The following C13orf42 variants were observed in gnomAD, a reference collection of about 807,000 sequenced individuals.
C13orf42 encodes the protein chromosome 13 open reading frame 42.
chr13:51,103,574 G>A (rs900096053), intron 1 of C13orf42, among the ~76,000 whole-genome samples: 14 of 152,088 alleles, frequency 9.2e-5, no homozygotes, highest in Admixed American at 2.6e-4. Context: ...GGTGGTGAGC[G>A]CCTGTAGTCC....
At chr13:51,154,657 T>A (rs930721048) in intron 1 of C13orf42, among the ~76,000 whole-genome samples, 1 of 152,240 alleles carries the variant, frequency 6.6e-6, no homozygotes, top group African/African-American at 2.4e-5. Context: ...TTCATGGCTG[T>A]AGAACATTCT....
chr13:51,111,573 A>G (rs1162796852), upstream of C13orf42, among the ~76,000 whole-genome samples: 1 of 152,186 alleles, frequency 6.6e-6, no homozygotes, highest in Non-Finnish European at 1.5e-5. Flanking sequence ...TTGCCTGCTC[A>G]GTTATTTTCT....
chr13:51,126,180 T>C (rs1953575774), intron 1 of C13orf42, among the ~76,000 whole-genome samples: 1 of 152,230 alleles, frequency 6.6e-6, no homozygotes, highest in Admixed American at 6.5e-5. Flanking sequence ...GCACCTACCA[T>C]ATGCCAAAAC....
At chr13:51,119,280 A>G (rs1953515358) in intron 1 of C13orf42, among the ~76,000 whole-genome samples, 1 of 152,120 alleles carries the variant, frequency 6.6e-6, no homozygotes, top group Non-Finnish European at 1.5e-5. Context: ...GGTTCAGTCA[A>G]TAACACCTGG....
intron 1 of C13orf42, among the ~76,000 whole-genome samples, chr13:51,171,742 C>T (rs1402901887): frequency 1.3e-5 from 2 of 152,138 alleles, no homozygotes; most frequent in Middle Eastern, 3.2e-3. Flanking sequence ...GGTTAATGCT[C>T]CTTTTTCTTT....
At chr13:51,136,989 T>C (rs1454441574) in intron 1 of C13orf42, among the ~76,000 whole-genome samples, 1 of 152,078 alleles carries the variant, frequency 6.6e-6, no homozygotes, top group Non-Finnish European at 1.5e-5. Context: ...CTCAGGGACA[T>C]GTTGTGACAG....
intron 1 of C13orf42, among the ~76,000 whole-genome samples, chr13:51,152,734 C>A (rs1269848984): frequency 1.3e-5 from 2 of 152,180 alleles, no homozygotes; most frequent in Non-Finnish European, 2.9e-5. Context: ...AATCACTGAG[C>A]CTCAATTTAC....
chr13:51,129,799 G>C (rs1440043419), intron 1 of C13orf42, among the ~76,000 whole-genome samples: 1 of 152,188 alleles, frequency 6.6e-6, no homozygotes, highest in Non-Finnish European at 1.5e-5. Context: ...CCTTAGGATA[G>C]AACATGGCCT....
chr13:51,148,769 G>A lies in C13orf42; in HGVS notation n.136+23484C>T, dbSNP rs115865559. ...GGCCCAAATGCCCCGCTGGCCTCAGGAGCCAGGGCTCTTTGAGGGTACCCT... is the reference window on the plus strand; with the variant it reads ...GGCCCAAATGCCCCGCTGGCCTCAGAAGCCAGGGCTCTTTGAGGGTACCCT... On this transcript the variant is annotated intron_variant and non_coding_transcript_variant, in intron 1 of 4. Coordinates refer to the C13orf42 transcript ENST00000433280. 5.7e-3 allele frequency among the ~76,000 whole-genome samples: 869 copies of A among 152,310 alleles called. 6 individuals carry two copies. Among genetic ancestry groups the A allele is most frequent in the African/African-American group, 0.02 (823 of 41,566 alleles).
chr13:51,117,002 T>C (rs1953497397), intron 1 of C13orf42, among the ~76,000 whole-genome samples: 1 of 152,200 alleles, frequency 6.6e-6, no homozygotes, highest in Non-Finnish European at 1.5e-5. Flanking sequence ...TTCTATTGAT[T>C]TAGTCAAATC....
chr13:51,115,757 G>C (rs1953485147), upstream of C13orf42, among the ~76,000 whole-genome samples: 1 of 152,206 alleles, frequency 6.6e-6, no homozygotes, highest in Non-Finnish European at 1.5e-5. Context: ...ATTGAATGAA[G>C]GGTAAGATTA....
At chr13:51,135,931 C>T (rs1953654302) in intron 1 of C13orf42, among the ~76,000 whole-genome samples, 1 of 152,198 alleles carries the variant, frequency 6.6e-6, no homozygotes, top group Admixed American at 6.5e-5. Context: ...TAATTCAGGG[C>T]ACTGGTCACA....
chr13:51,132,169 G>A (rs117594792), intron 1 of C13orf42, among the ~76,000 whole-genome samples: 4,935 of 152,216 alleles, frequency 0.032, 132 homozygotes, highest in Non-Finnish European at 0.051. Context: ...GCGGCCGGGC[G>A]CGGTGGCTCA....
At chr13:51,126,754 T>C (rs1256083619) in intron 1 of C13orf42, among the ~76,000 whole-genome samples, 1 of 152,114 alleles carries the variant, frequency 6.6e-6, no homozygotes, top group Non-Finnish European at 1.5e-5. Flanking sequence ...TGCCCAAGAC[T>C]GGGGGAGATG....
chr13:51,095,312 C>CTGTTGT (rs35621448), intron 1 of C13orf42, among the ~76,000 whole-genome samples: 1 of 151,460 alleles, frequency 6.6e-6, no homozygotes, highest in Admixed American at 6.6e-5. Context: ...ACTGTTGTTG[C>CTGTTGT]TGTTGTTGTT....
At chr13:51,157,956 A>G (rs932670005) in intron 1 of C13orf42, among the ~76,000 whole-genome samples, 4 of 152,236 alleles carry the variant, frequency 2.6e-5, no homozygotes, top group African/African-American at 9.6e-5. Context: ...GGACAAGCTC[A>G]AGTCACCACC....
chr13:51,161,815 TGTGA>T, intron 1 of C13orf42: 2 of 377,592 alleles, frequency 5.3e-6, no homozygotes, highest in South Asian at 5.0e-5. Context: ...CGTTAGGCAC[TGTGA>T]GGGATAGAGA....
chr13:51,169,150 G>A (rs1011984450), intron 1 of C13orf42, among the ~76,000 whole-genome samples: 5 of 152,178 alleles, frequency 3.3e-5, no homozygotes, highest in Non-Finnish European at 7.4e-5. Context: ...TTAACAAGCA[G>A]AGATTAGAAC....
intron 1 of C13orf42, among the ~76,000 whole-genome samples, chr13:51,133,265 G>A (rs990619872): frequency 6.6e-6 from 1 of 152,146 alleles, no homozygotes; most frequent in African/African-American, 2.4e-5. Flanking sequence ...AACACCTAGA[G>A]TAGTCAGATT....
Sources: allele counts gnomAD v4.1 joint callset (sites outside exome capture counted in the v4.1 genomes callset), GRCh38; gene constraint gnomAD v4.1.1; transcripts MANE v1.5; gene names NCBI Gene and HGNC (gene_info 2026-07-23, HGNC 2026-07-21).